Variants in RAD51B observed in about 807,000 individuals in gnomAD.
The protein encoded by RAD51B is DNA repair protein RAD51 homolog 2.
A neutral mutation model predicts 42.2 loss-of-function variants in RAD51B; 38 were observed. That is an observed-to-expected ratio of 0.90 (90% confidence interval 0.70 to 1.18). RAD51B has a LOEUF of 1.18. RAD51B is among the 50% of genes most tolerant of loss of function. The probability of loss-of-function intolerance (pLI) is 0.00; values close to 1 mark genes in which losing one functional copy is unlikely to be tolerated. For missense variants in RAD51B, 373 were observed against 400.7 expected (o/e 0.93, Z 0.59); for synonymous variants, 154 against 145.2 (o/e 1.06, Z -0.43).
At position 68,200,240 on chromosome 14, in the gene RAD51B, G is replaced by A. The variant is rs74980716; in HGVS notation, c.757-91644G>A. Among the ~76,000 whole-genome samples the A allele has an allele frequency of 9.1e-4, 138 of 152,212 alleles. 4 individuals are homozygous for A. The East Asian group carries it at 0.024, about 26-fold the overall frequency. On this transcript the variant is annotated intron_variant, in intron 7 of 10. Coordinates refer to ENST00000471583, the MANE Select transcript of RAD51B (RefSeq NM_133510.4). ...CCTTGTCCATGAAGGCAATCTCAGCGTCTGGCATGGGGGAGCCCAAGAACA... is the reference window on the plus strand; with the variant it reads ...CCTTGTCCATGAAGGCAATCTCAGCATCTGGCATGGGGGAGCCCAAGAACA...
intron 7 of RAD51B, among the ~76,000 whole-genome samples, chr14:67,910,350 G>A (rs2043928029): frequency 1.4e-5 from 1 of 69,260 alleles, no homozygotes; most frequent in Non-Finnish European, 2.4e-5. Flanking sequence ...AGCTTGCAGT[G>A]AGCCGAGATC....
chr14:68,265,752 T>TTAAAAAA (rs1348071471), intron 7 of RAD51B, among the ~76,000 whole-genome samples: 1 of 152,074 alleles, frequency 6.6e-6, no homozygotes, highest in African/African-American at 2.4e-5. Flanking sequence ...AGACTCTGTC[T>TTAAAAAA]TAAAAAATAA....
chr14:68,083,092 A>G (rs373610473), intron 7 of RAD51B, among the ~76,000 whole-genome samples: 19 of 152,360 alleles, frequency 1.2e-4, no homozygotes, highest in African/African-American at 1.7e-4. Flanking sequence ...CTATGTTTCA[A>G]TTAGAAGAGA....
chr14:68,570,327 C>G (rs11851109), intron 10 of RAD51B, among the ~76,000 whole-genome samples: 82 of 152,316 alleles, frequency 5.4e-4, no homozygotes, highest in African/African-American at 1.9e-3. Flanking sequence ...AATTATGACT[C>G]TCTCCCCGGG....
At chr14:67,964,755 T>C (rs905130743) in intron 7 of RAD51B, among the ~76,000 whole-genome samples, 1 of 152,196 alleles carries the variant, frequency 6.6e-6, no homozygotes, top group African/African-American at 2.4e-5. Context: ...GACTTGATTA[T>C]TGGAATGTGT....
intron 9 of RAD51B, among the ~76,000 whole-genome samples, chr14:68,424,554 T>C (rs2084787371): frequency 6.6e-6 from 1 of 152,230 alleles, no homozygotes; most frequent in East Asian, 1.9e-4. Context: ...CTGACCTGCA[T>C]TGGAATGTTA....
intron 10 of RAD51B, among the ~76,000 whole-genome samples, chr14:68,499,721 C>T (rs1022985059): frequency 2.6e-5 from 4 of 152,046 alleles, no homozygotes; most frequent in African/African-American, 7.2e-5. Context: ...AGTGTGACTA[C>T]GGAGGCAGAG....
intron 8 of RAD51B, among the ~76,000 whole-genome samples, chr14:68,326,038 C>CTTTTT (rs763428544): frequency 1.2e-5 from 1 of 80,460 alleles, no homozygotes; most frequent in Non-Finnish European, 2.8e-5. Flanking sequence ...TTTTTCTTTT[C>CTTTTT]TTTTTTTTTT....
intron 7 of RAD51B, among the ~76,000 whole-genome samples, chr14:68,250,141 G>A (rs149052398): frequency 1.3e-5 from 2 of 152,230 alleles, no homozygotes; most frequent in East Asian, 3.9e-4. Context: ...TCCCACTTTT[G>A]TATTTAGCAT....
chr14:68,161,159 A>C (rs1014545548), intron 7 of RAD51B, among the ~76,000 whole-genome samples: 32 of 152,224 alleles, frequency 2.1e-4, no homozygotes, highest in Non-Finnish European at 4.4e-4. Flanking sequence ...GGCTAAAACC[A>C]ACTCACACTG....
At chr14:68,073,005 C>T (rs1363544833) in intron 7 of RAD51B, among the ~76,000 whole-genome samples, 1 of 152,232 alleles carries the variant, frequency 6.6e-6, no homozygotes, top group Non-Finnish European at 1.5e-5. Context: ...GATGTATATG[C>T]TGTTTTTGTT....
Position 67,824,893 on chromosome 14 carries a change from A to G in RAD51B, c.85-571A>G, listed in dbSNP as rs118092275. Among the ~76,000 whole-genome samples, 985 of 151,656 alleles carry G rather than the reference A, an allele frequency of 6.5e-3. 5 individuals are homozygous for G. Among genetic ancestry groups the G allele is most frequent in the Middle Eastern group, 0.024 (7 of 292 alleles). The stretch of plus-strand genomic sequence containing the variant: ...GGAGTTCGAGACTAGCCTGGCCAAT[A>G]TGGTGAACTCTTGTCTCTACTAAAA... On this transcript the variant is annotated intron_variant, in intron 2 of 10. Transcript: ENST00000471583.
chr14:68,081,664 A>G (rs1409088712), intron 7 of RAD51B, among the ~76,000 whole-genome samples: 2 of 152,222 alleles, frequency 1.3e-5, no homozygotes, highest in Non-Finnish European at 2.9e-5. Context: ...AATCATAGTG[A>G]AACAGGAAAA....
chr14:68,249,250 G>C (rs1414250421), intron 7 of RAD51B, among the ~76,000 whole-genome samples: 1 of 152,212 alleles, frequency 6.6e-6, no homozygotes, highest in Non-Finnish European at 1.5e-5. Flanking sequence ...AGCAAGTTCT[G>C]TCTTTCATGT....
chr14:68,334,749 T>C (rs558934070), intron 8 of RAD51B, among the ~76,000 whole-genome samples: 2 of 152,142 alleles, frequency 1.3e-5, no homozygotes, highest in South Asian at 4.1e-4. Context: ...AAATTCTTGG[T>C]AGTGGTTGTC....
At chr14:67,980,123 A>G (rs907999132) in intron 7 of RAD51B, among the ~76,000 whole-genome samples, 2 of 151,956 alleles carry the variant, frequency 1.3e-5, no homozygotes, top group Non-Finnish European at 2.9e-5. Context: ...TTACTGTAGC[A>G]TCTTATGCCA....
intron 10 of RAD51B, among the ~76,000 whole-genome samples, chr14:68,469,490 T>C (rs988200133): frequency 6.6e-6 from 1 of 152,258 alleles, no homozygotes; most frequent in African/African-American, 2.4e-5. Context: ...CTCTTAGCCT[T>C]TGACTTATGC....
downstream of RAD51B, among the ~76,000 whole-genome samples, chr14:68,615,948 T>C (rs978444122): frequency 6.6e-6 from 1 of 152,194 alleles, no homozygotes; most frequent in Non-Finnish European, 1.5e-5. Context: ...GTCATCTTAC[T>C]ATTTGTTTTC....
At chr14:67,939,382 A>T (rs912964216) in intron 7 of RAD51B, among the ~76,000 whole-genome samples, 2 of 152,218 alleles carry the variant, frequency 1.3e-5, no homozygotes, top group African/African-American at 4.8e-5. Flanking sequence ...TCCTTGCATA[A>T]ACTAGATAGT....
Sources: allele counts gnomAD v4.1 joint callset (sites outside exome capture counted in the v4.1 genomes callset), GRCh38; gene constraint gnomAD v4.1.1; transcripts MANE v1.5; gene names NCBI Gene and HGNC (gene_info 2026-07-23, HGNC 2026-07-21).